Variants in FYB1 observed in about 807,000 individuals in gnomAD.
FYB1 encodes FYN-binding protein 1.
FYB1 carries 41 observed loss-of-function variants against 94.1 expected under a neutral mutation model. The ratio of observed to expected loss-of-function variants is 0.44; its 90% CI spans 0.34 to 0.57. The LOEUF is 0.57. Among genes scored for constraint, FYB1 ranks in the 20% least tolerant of loss-of-function variants. The probability of loss-of-function intolerance (pLI) is 0.02; values close to 1 mark genes in which losing one functional copy is unlikely to be tolerated. For synonymous variants in FYB1, 367 were observed against 353.2 expected (o/e 1.04, Z -0.44); for missense variants, 1,050 against 976.8 (o/e 1.07, Z -1.00).
At chr5:39,262,638 C>T (rs944884476) in intron 1 of FYB1, among the ~76,000 whole-genome samples, 3 of 152,144 alleles carry the variant, frequency 2.0e-5, no homozygotes, top group African/African-American at 7.2e-5. Context: ...AAAGGATGTT[C>T]ATCTACCACT....
At chr5:39,182,302 TG>T in intron 2 of FYB1, among the ~76,000 whole-genome samples, 1 of 2,022 alleles carries the variant, frequency 4.9e-4, no homozygotes. Flanking sequence ...TGTGTGTGTG[TG>T]TGTGTGTGTG....
chr5:39,193,029 T>C (rs549399972), intron 2 of FYB1, among the ~76,000 whole-genome samples: 150 of 152,118 alleles, frequency 9.9e-4, no homozygotes, highest in Non-Finnish European at 1.6e-3. Flanking sequence ...CATTTGCAGG[T>C]TAGGAGAGGG....
intron 2 of FYB1, among the ~76,000 whole-genome samples, chr5:39,163,380 A>G (rs969955410): frequency 6.6e-6 from 1 of 152,236 alleles, no homozygotes; most frequent in Non-Finnish European, 1.5e-5. Flanking sequence ...CAATGTTTAC[A>G]TAGATAATCA....
chr5:39,220,207 A>C (rs1014460951), upstream of FYB1, among the ~76,000 whole-genome samples: 1 of 151,978 alleles, frequency 6.6e-6, no homozygotes, highest in Non-Finnish European at 1.5e-5. Context: ...CCAGGAGTTC[A>C]AGACCAGTCT....
intron 2 of FYB1, among the ~76,000 whole-genome samples, chr5:39,172,250 A>G (rs1293472349): frequency 6.6e-6 from 1 of 152,138 alleles, no homozygotes; most frequent in Non-Finnish European, 1.5e-5. Flanking sequence ...GTTTGAGACC[A>G]GCATGGCCAA....
chr5:39,216,284 T>C (rs1749862639), intron 1 of FYB1, among the ~76,000 whole-genome samples: 1 of 152,228 alleles, frequency 6.6e-6, no homozygotes, highest in East Asian at 1.9e-4. Context: ...CGATTTTTAA[T>C]ATTGCATATA....
Position 39,126,041 on chromosome 5 carries a change from C to T in FYB1, c.2002G>A (p.Glu668Lys). ...GKDDRKKSIR[E>K]KPKVSDSDNN... ...TCTGAGTCAGAGACTTTAGGTTTCTCTCGTATACTTTTCTTTCTGTCATCT... is the reference window on the plus strand; with the variant it reads ...TCTGAGTCAGAGACTTTAGGTTTCTTTCGTATACTTTTCTTTCTGTCATCT... Residue 668 changes from glutamate (E) to lysine (K), a missense_variant, in exon 12 of 19, where the codon GAG becomes AAG. By Grantham distance (56) the Glu-to-Lys change is moderately conservative. Transcript: ENST00000512982. The T allele has an allele frequency of 5.0e-6, 8 of 1,613,488 alleles. No homozygotes were observed. Among genetic ancestry groups the T allele is most frequent in the Non-Finnish European group, 6.8e-6 (8 of 1,179,654 alleles).
intron 1 of FYB1, among the ~76,000 whole-genome samples, chr5:39,262,729 A>G (rs1172906357): frequency 6.6e-6 from 1 of 152,222 alleles, no homozygotes; most frequent in Admixed American, 6.5e-5. Flanking sequence ...ACAGCAATTC[A>G]ATAGATTGAA....
chr5:39,183,706 A>C (rs942111380), intron 2 of FYB1, among the ~76,000 whole-genome samples: 1 of 152,188 alleles, frequency 6.6e-6, no homozygotes, highest in African/African-American at 2.4e-5. Context: ...ACTTTGTAAA[A>C]ATCAAAAAGG....
chr5:39,200,079 T>A (rs373730896), intron 2 of FYB1, among the ~76,000 whole-genome samples: 1 of 152,160 alleles, frequency 6.6e-6, no homozygotes, highest in Admixed American at 6.5e-5. Context: ...GTTACACTGA[T>A]GACAGGATTT....
At chr5:39,208,346 A>C (rs915370261) in intron 1 of FYB1, among the ~76,000 whole-genome samples, 6 of 152,234 alleles carry the variant, frequency 3.9e-5, no homozygotes, top group Non-Finnish European at 7.3e-5. Flanking sequence ...AAATGACTTC[A>C]TTTGATTGCA....
chr5:39,159,298 A>G (rs1005208370), intron 2 of FYB1, among the ~76,000 whole-genome samples: 3 of 152,226 alleles, frequency 2.0e-5, no homozygotes, highest in Non-Finnish European at 4.4e-5. Context: ...GTATAGGTAC[A>G]TAGCATTTCC....
At chr5:39,179,232 C>T (rs1334016854) in intron 2 of FYB1, among the ~76,000 whole-genome samples, 1 of 152,130 alleles carries the variant, frequency 6.6e-6, no homozygotes, top group Non-Finnish European at 1.5e-5. Context: ...AGTCTGGCAA[C>T]TATGGAGGGA....
intron 1 of FYB1, among the ~76,000 whole-genome samples, 192 bp downstream of exon 1, chr5:39,219,251 C>A (rs1470884534): frequency 1.3e-5 from 2 of 152,186 alleles, no homozygotes; most frequent in Non-Finnish European, 2.9e-5. Context: ...GCTTATCATC[C>A]TTTTGGCTAC....
chr5:39,159,299 T>C (rs866218002), intron 2 of FYB1, among the ~76,000 whole-genome samples: 3 of 152,198 alleles, frequency 2.0e-5, no homozygotes, highest in African/African-American at 4.8e-5. Context: ...TATAGGTACA[T>C]AGCATTTCCC....
Position 39,248,780 on chromosome 5 carries a change from C to T in FYB1, c.-28+25623G>A, listed in dbSNP as rs763292443. Among the ~76,000 whole-genome samples the T allele has an allele frequency of 3.9e-5, 6 of 151,948 alleles. No homozygotes were observed. In the South Asian group the frequency reaches 8.3e-4, roughly 21 times the overall value. On this transcript the variant is annotated intron_variant, in intron 1 of 1. Transcript: ENST00000510188. ...TGAACCAGGGAGGTGGTTTTTGCAG[C>T]GAGCCGAGATCATGCCACTGAACTC...
intron 12 of FYB1, among the ~76,000 whole-genome samples, chr5:39,124,629 T>C (rs1017667340): frequency 2.0e-5 from 3 of 152,148 alleles, no homozygotes; most frequent in Non-Finnish European, 2.9e-5. Flanking sequence ...CTCAGTATTT[T>C]GGAGGCATCG....
chr5:39,121,183 C>T (rs1481706046), intron 14 of FYB1, among the ~76,000 whole-genome samples: 1 of 57,672 alleles, frequency 1.7e-5, no homozygotes, highest in East Asian at 8.8e-4. Context: ...TAATGTAAAG[C>T]AAAAAAAAAA....
chr5:39,185,748 G>A (rs947488418), intron 2 of FYB1, among the ~76,000 whole-genome samples: 1 of 151,826 alleles, frequency 6.6e-6, no homozygotes, highest in Non-Finnish European at 1.5e-5. Flanking sequence ...TCAGATCAAC[G>A]AGGTAATAAA....
Sources: gnomAD v4.1 joint callset for allele counts (sites outside exome capture counted in the v4.1 genomes callset) on GRCh38, gnomAD v4.1.1 for gene constraint, MANE v1.5 for transcripts, NCBI Gene and HGNC (gene_info 2026-07-23, HGNC 2026-07-21) for gene names.